KCTD1: variants seen among roughly 807,000 people sequenced by gnomAD.
The protein encoded by KCTD1 is potassium channel tetramerization domain containing 1.
In KCTD1, 24 loss-of-function variants were observed where a neutral mutation model predicts 66.0. The ratio of observed to expected loss-of-function variants is 0.36; its 90% CI spans 0.26 to 0.51. The LOEUF is 0.51. Ranked by LOEUF, KCTD1 falls within the 20% of genes least tolerant of loss-of-function variation. KCTD1 has a pLI of 0.95. For missense variants in KCTD1, 943 were observed against 1,205.2 expected, an observed-to-expected ratio of 0.78 and a Z score of 3.22; for synonymous variants, 511 against 517.2, an observed-to-expected ratio of 0.99 and a Z score of 0.16.
At chr18:26,483,727 TGTG>T (rs1981767267) in intron 2 of KCTD1, among the ~76,000 whole-genome samples, 1 of 152,156 alleles carries the variant, frequency 6.6e-6, no homozygotes, top group African/African-American at 2.4e-5. Context: ...GTGTGTAAGT[TGTG>T]GGCATGCACA....
chr18:26,536,335 T>A (rs781475762), intron 1 of KCTD1, among the ~76,000 whole-genome samples: 8 of 152,244 alleles, frequency 5.3e-5, no homozygotes, highest in Non-Finnish European at 7.3e-5. Context: ...GTGGCTCATA[T>A]GTGGTGGAAT....
upstream of KCTD1, among the ~76,000 whole-genome samples, chr18:26,644,814 A>T (rs1987902476): frequency 6.6e-6 from 1 of 151,938 alleles, no homozygotes. Flanking sequence ...GGGACTGCAG[A>T]CTGCACTGAG....
intron 1 of KCTD1, among the ~76,000 whole-genome samples, chr18:26,532,261 CTTTTTTTTTTT>C (rs533359603): frequency 2.0e-4 from 6 of 29,554 alleles, no homozygotes; most frequent in Admixed American, 4.7e-4. Flanking sequence ...TTCTTTCCTT[CTTTTTTTTTTT>C]TTTTTTTTTT....
intron 1 of KCTD1, among the ~76,000 whole-genome samples, chr18:26,554,934 C>A (rs1170070651): frequency 6.6e-6 from 1 of 152,064 alleles, no homozygotes; most frequent in Admixed American, 6.6e-5. Flanking sequence ...TTAAATGAAA[C>A]CTAAAATTCA....
At chr18:26,513,829 C>T (rs1383466041) in intron 1 of KCTD1, among the ~76,000 whole-genome samples, 1 of 152,210 alleles carries the variant, frequency 6.6e-6, no homozygotes, top group Non-Finnish European at 1.5e-5. Context: ...GAAAGGAGAA[C>T]TGGTCATGAA....
At chr18:26,492,364 T>C (rs1247391430) in intron 2 of KCTD1, among the ~76,000 whole-genome samples, 1 of 152,114 alleles carries the variant, frequency 6.6e-6, no homozygotes, top group Admixed American at 6.5e-5. Context: ...CTGGGAGCCG[T>C]GGCTCATGCC....
intron 1 of KCTD1, among the ~76,000 whole-genome samples, chr18:26,529,449 C>A (rs1281092098): frequency 1.3e-5 from 2 of 152,210 alleles, no homozygotes; most frequent in Non-Finnish European, 2.9e-5. Context: ...GTTCCATGTT[C>A]CTTCCTGTAT....
upstream of KCTD1, among the ~76,000 whole-genome samples, chr18:26,553,190 A>G (rs1282791193): frequency 4.6e-5 from 7 of 151,956 alleles, no homozygotes; most frequent in African/African-American, 1.5e-4. Context: ...AAGTTTCCCC[A>G]TGTTGCCTAT....
At chr18:26,519,134 A>G (rs1316477481) in intron 1 of KCTD1, among the ~76,000 whole-genome samples, 1 of 152,234 alleles carries the variant, frequency 6.6e-6, no homozygotes, top group Non-Finnish European at 1.5e-5. Context: ...ATGGTAAAAG[A>G]AAATTTGCCC....
At chr18:26,533,991 C>T (rs1024173067) in intron 1 of KCTD1, among the ~76,000 whole-genome samples, 7 of 151,998 alleles carry the variant, frequency 4.6e-5, no homozygotes, top group Non-Finnish European at 7.4e-5. Context: ...TTACTGGTAT[C>T]GTAACATTCT....
intron 1 of KCTD1, among the ~76,000 whole-genome samples, chr18:26,560,292 T>C (rs978883880): frequency 4.6e-5 from 7 of 152,096 alleles, no homozygotes; most frequent in African/African-American, 1.7e-4. Context: ...CCACCCCAGA[T>C]TTGTTAAAAT....
At chr18:26,584,896 C>T (rs79576582) in intron 1 of KCTD1, among the ~76,000 whole-genome samples, 1 of 152,050 alleles carries the variant, frequency 6.6e-6, no homozygotes, top group Admixed American at 6.5e-5. Context: ...ATGTATAAGA[C>T]TGGGAGGCAG....
At chr18:26,593,262 G>C (rs1455640836) in intron 1 of KCTD1, among the ~76,000 whole-genome samples, 1 of 150,954 alleles carries the variant, frequency 6.6e-6, no homozygotes, top group Non-Finnish European at 1.5e-5. Flanking sequence ...TCTCATAAGG[G>C]AGGAGGAGGA....
chr18:26,532,261 C>CTTTTT lies in KCTD1; in HGVS notation c.1809+14462_1809+14466dup, dbSNP rs533359603. Among the ~76,000 whole-genome samples, 203 of 29,514 alleles carry CTTTTT rather than the reference C, an allele frequency of 6.9e-3. 13 individuals carry two copies. Among genetic ancestry groups the CTTTTT allele is most frequent in the African/African-American group, 0.012 (188 of 15,350 alleles). The allele number at this position is 29,514 out of a possible 152,430, so 19.4% of individuals were successfully genotyped here. A position where few individuals can be genotyped will look rare whatever the true frequency, so the allele number is the denominator to read the frequency against. On this transcript the variant is annotated intron_variant, in intron 1 of 4. Coordinates refer to ENST00000580059, the MANE Select transcript of KCTD1 (RefSeq NM_001142730.3). Reference sequence around the variant, plus strand: ...CTTTTTCTTTTTCTTTTCTTTCCTTCTTTTTTTTTTTTTTTTTTTTTTTTT... The same window carrying CTTTTT: ...CTTTTTCTTTTTCTTTTCTTTCCTTCTTTTTTTTTTTTTTTTTTTTTTTTTTTTTT...
At chr18:26,543,793 C>G (rs1985085211) in intron 1 of KCTD1, 1 of 152,234 alleles carries the variant, frequency 6.6e-6, no homozygotes, top group Non-Finnish European at 1.5e-5. Flanking sequence ...TTTGTCACAG[C>G]TTGCAAATGC....
chr18:26,496,255 A>G (rs1183501121), intron 2 of KCTD1, among the ~76,000 whole-genome samples: 3 of 152,244 alleles, frequency 2.0e-5, no homozygotes, highest in Admixed American at 6.5e-5. Context: ...CTAGATATTT[A>G]CAAGCTACAA....
At chr18:26,652,905 G>A (rs1988062922) in intron 1 of KCTD1, among the ~76,000 whole-genome samples, 1 of 152,156 alleles carries the variant, frequency 6.6e-6, no homozygotes, top group Non-Finnish European at 1.5e-5. Context: ...TAACATGCCC[G>A]AAACTTAGGT....
intron 1 of KCTD1, among the ~76,000 whole-genome samples, chr18:26,504,707 G>T (rs572010693): frequency 1.4e-5 from 2 of 146,214 alleles, no homozygotes; most frequent in South Asian, 2.1e-4. Context: ...GCTGGGGTTG[G>T]GGGGGCGATA....
intron 2 of KCTD1, among the ~76,000 whole-genome samples, chr18:26,485,784 C>T (rs182153133): frequency 1.3e-5 from 2 of 152,288 alleles, no homozygotes; most frequent in East Asian, 3.9e-4. Flanking sequence ...ATTTCTGATA[C>T]ACTCCTTAGT....
Sources: gnomAD v4.1 joint callset for allele counts (sites outside exome capture counted in the v4.1 genomes callset) on GRCh38, gnomAD v4.1.1 for gene constraint, MANE v1.5 for transcripts, NCBI Gene and HGNC (gene_info 2026-07-23, HGNC 2026-07-21) for gene names.